ABCA12: variants seen among roughly 807,000 people sequenced by gnomAD.
ABCA12 encodes ATP binding cassette subfamily A member 12, also known as glucosylceramide transporter ABCA12.
In ABCA12, 156 loss-of-function variants were observed where a neutral mutation model predicts 293.5. The ratio of observed to expected loss-of-function variants is 0.53; its 90% confidence interval spans 0.47 to 0.61. The LOEUF is 0.61. Ranked by LOEUF, ABCA12 falls within the 20% of genes least tolerant of loss-of-function variation. The pLI, the probability that ABCA12 is intolerant of heterozygous loss-of-function variation, is 0.00. For missense variants in ABCA12, 2,797 were observed against 3,090.2 expected, an observed-to-expected ratio of 0.91 and a Z score of 2.25; for synonymous variants, 1,063 against 1,108.0, an observed-to-expected ratio of 0.96 and a Z score of 0.81.
intron 11 of ABCA12, among the ~76,000 whole-genome samples, chr2:215,020,405 T>A (rs1429334873): frequency 6.6e-6 from 1 of 152,044 alleles, no homozygotes; most frequent in Non-Finnish European, 1.5e-5. Context: ...CTAAGTGAAA[T>A]AAGCCAGTCT....
intron 42 of ABCA12, among the ~76,000 whole-genome samples, chr2:214,955,575 T>C (rs1368541696): frequency 6.6e-6 from 1 of 152,144 alleles, no homozygotes. Context: ...CCTGGTTATT[T>C]GGGAGGCTGA....
chr2:214,934,689 T>C lies in ABCA12; in HGVS notation c.7543-474A>G, dbSNP rs182430836. Among the ~76,000 whole-genome samples the C allele has an allele frequency of 1.1e-4, 16 of 152,236 alleles. No homozygotes were observed. The East Asian group carries it at 3.1e-3, about 29-fold the overall frequency. Reference sequence around the variant, plus strand: ...AGCTCCTTCAAATGACAGCTCATCCTTTTCCCAACTCACCCTAAAATTCTT... The same window carrying C: ...AGCTCCTTCAAATGACAGCTCATCCCTTTCCCAACTCACCCTAAAATTCTT... On this transcript the variant is annotated intron_variant, in intron 51 of 52. Transcript: ENST00000272895.
chr2:215,014,341 A>G (rs2106005618), intron 15 of ABCA12, among the ~76,000 whole-genome samples: 1 of 146,882 alleles, frequency 6.8e-6, no homozygotes. Flanking sequence ...GAAAAGGTCA[A>G]TGTTAAGCAA....
chr2:214,968,837 G>C, intron 37 of ABCA12, 30 bp from the exon 38 acceptor site: 1 of 1,591,412 alleles, frequency 6.3e-7, no homozygotes, highest in Non-Finnish European at 8.6e-7. Flanking sequence ...TATATCTTTG[G>C]TTTAGTGGAG....
chr2:215,015,935 G>C (rs970324142), intron 14 of ABCA12, among the ~76,000 whole-genome samples: 1 of 151,736 alleles, frequency 6.6e-6, no homozygotes, highest in Non-Finnish European at 1.5e-5. Context: ...ACGAGGTCAG[G>C]AGTTCGAGAC....
intron 2 of ABCA12, among the ~76,000 whole-genome samples, chr2:215,096,996 G>A (rs984358392): frequency 6.6e-6 from 1 of 152,048 alleles, no homozygotes; most frequent in Non-Finnish European, 1.5e-5. Context: ...TGTATTTGTG[G>A]GAAAAACAGA....
At chr2:214,973,425 G>C (rs1430807063) in intron 36 of ABCA12, among the ~76,000 whole-genome samples, 1 of 152,110 alleles carries the variant, frequency 6.6e-6, no homozygotes, top group Admixed American at 6.6e-5. Context: ...TGAACTGATA[G>C]GCTTAGAAAA....
At chr2:215,080,816 A>C (rs1386386707) in intron 2 of ABCA12, 1 of 152,796 alleles carries the variant, frequency 6.5e-6, no homozygotes, top group Non-Finnish European at 1.5e-5. Flanking sequence ...GCTGTATTCC[A>C]CTCGATGCTC....
intron 1 of ABCA12, among the ~76,000 whole-genome samples, chr2:215,133,292 T>C (rs986735105): frequency 1.3e-5 from 2 of 150,890 alleles, no homozygotes; most frequent in African/African-American, 4.9e-5. Flanking sequence ...TCTGGTAATA[T>C]CTGGATGTCT....
At chr2:215,103,729 T>C (rs1702406170) in intron 2 of ABCA12, among the ~76,000 whole-genome samples, 2 of 152,244 alleles carry the variant, frequency 1.3e-5, no homozygotes, top group South Asian at 4.1e-4. Flanking sequence ...CCAACACTTT[T>C]ATAGCTCTTA....
chr2:215,104,585 G>A (rs1702424596), intron 2 of ABCA12, among the ~76,000 whole-genome samples: 2 of 152,176 alleles, frequency 1.3e-5, no homozygotes, highest in Admixed American at 1.3e-4. Context: ...AGTTTCTATG[G>A]CTTCCACAGA....
At chr2:215,084,232 C>T (rs900366017) in intron 2 of ABCA12, among the ~76,000 whole-genome samples, 4 of 152,090 alleles carry the variant, frequency 2.6e-5, no homozygotes, top group African/African-American at 9.7e-5. Context: ...ACGTAGCGCT[C>T]CACCTTGGCC....
chr2:215,093,845 C>T (rs542494544), intron 2 of ABCA12, among the ~76,000 whole-genome samples: 3 of 152,318 alleles, frequency 2.0e-5, no homozygotes, highest in Admixed American at 6.5e-5. Flanking sequence ...TGATACCACA[C>T]CTGACCCCCA....
intron 32 of ABCA12, 24 bp downstream of exon 32, chr2:214,978,780 A>G (rs1379372167): frequency 6.2e-7 from 1 of 1,608,782 alleles, no homozygotes; most frequent in African/African-American, 1.3e-5. Context: ...AGCTTGAAGA[A>G]AAAAAAGAAA....
chr2:215,026,367 G>C (rs1387747621), intron 10 of ABCA12, among the ~76,000 whole-genome samples: 1 of 152,086 alleles, frequency 6.6e-6, no homozygotes, highest in Non-Finnish European at 1.5e-5. Context: ...AGTGTGTAAG[G>C]GTAGAAAATA....
intron 3 of ABCA12, among the ~76,000 whole-genome samples, chr2:215,062,445 TATCATGTC>T (rs1701548666): frequency 6.6e-6 from 1 of 152,000 alleles, no homozygotes; most frequent in South Asian, 2.1e-4. Flanking sequence ...ATAGACAATG[TATCATGTC>T]ATTTCCCCAC....
chr2:215,094,990 A>G (rs141227288), intron 2 of ABCA12, among the ~76,000 whole-genome samples: 151 of 152,300 alleles, frequency 9.9e-4, no homozygotes, highest in African/African-American at 3.5e-3. Flanking sequence ...AGGCACATGT[A>G]TGCTAGTTTT....
intron 23 of ABCA12, among the ~76,000 whole-genome samples, chr2:214,995,907 G>C (rs976681147): frequency 1.8e-4 from 28 of 152,208 alleles, no homozygotes; most frequent in African/African-American, 6.8e-4. Flanking sequence ...CTGGCAGAGA[G>C]AGAGAGAGCT....
intron 9 of ABCA12, chr2:215,029,175 T>A (rs1181666782): frequency 2.4e-4 from 1 of 4,086 alleles, no homozygotes; most frequent in African/African-American, 3.0e-4. Context: ...TGTATCCCAT[T>A]CCCTGTTCAC....
Sources: allele counts gnomAD v4.1 joint callset (sites outside exome capture counted in the v4.1 genomes callset), GRCh38; gene constraint gnomAD v4.1.1; transcripts MANE v1.5; gene names NCBI Gene and HGNC (gene_info 2026-07-23, HGNC 2026-07-21).